Variants in G2E3 observed in about 807,000 individuals in gnomAD.
G2E3 encodes G2/M phase-specific E3 ubiquitin-protein ligase.
A neutral mutation model predicts 92.8 loss-of-function variants in G2E3; 35 were observed. That is an observed-to-expected ratio of 0.38 (90% CI 0.29 to 0.50). The LOEUF is 0.50. Ranked by LOEUF, G2E3 falls within the 20% of genes least tolerant of loss-of-function variation. G2E3 has a pLI of 0.94. For missense variants in G2E3, 554 were observed against 823.8 expected (o/e 0.67, Z 4.01); for synonymous variants, 242 against 272.4 (o/e 0.89, Z 1.10).
rs752161879 is a variant in G2E3, at chr14:30,605,532, A to C, written c.1038A>C (p.Val346=). 11 of 1,412,164 alleles carry C rather than the reference A, an allele frequency of 7.8e-6. No homozygotes were observed. In the South Asian group the frequency reaches 1.4e-4, roughly 18 times the overall value. 87.5% of individuals were successfully genotyped at this position (1,412,164 alleles called of 1,614,324 possible). Residue 346 remains valine, a synonymous_variant, in exon 11 of 15, where the codon GTA becomes GTC. Transcript: ENST00000206595. ...AAGGCAGCAAATTTAGAAGAAATGT[A>C]TCAACACTATTAATAGAGTTAGGAT... is the stretch of plus-strand genomic sequence containing the variant. The part of the protein sequence containing the change: ...LRQGSKFRRN[V]STLLIELGFQ...
chr14:30,573,004 G>T (rs1879856766), intron 1 of G2E3, among the ~76,000 whole-genome samples: 1 of 142,004 alleles, frequency 7.0e-6, no homozygotes, highest in Non-Finnish European at 1.5e-5. Context: ...GATGTTTTAT[G>T]TACTTTTTTT....
chr14:30,571,336 T>C (rs534817959), intron 1 of G2E3, among the ~76,000 whole-genome samples: 2 of 152,180 alleles, frequency 1.3e-5, no homozygotes, highest in African/African-American at 4.8e-5. Context: ...TTGTAAGCAT[T>C]CTTTATGCAT....
chr14:30,562,202 A>C (rs8022976), intron 1 of G2E3, among the ~76,000 whole-genome samples: 8,760 of 152,184 alleles, frequency 0.058, 823 homozygotes, highest in African/African-American at 0.2. Flanking sequence ...TGCCGAGGCA[A>C]GAGACTGGGG....
intron 7 of G2E3, 89 bp downstream of exon 7, chr14:30,597,615 G>T (rs939130757): frequency 1.3e-6 from 1 of 781,428 alleles, no homozygotes; most frequent in Non-Finnish European, 2.2e-6. Flanking sequence ...GTCTGATTCA[G>T]TGAGCATGGA....
intron 1 of G2E3, among the ~76,000 whole-genome samples, chr14:30,575,079 C>G (rs1017876233): frequency 6.6e-6 from 1 of 152,110 alleles, no homozygotes; most frequent in Non-Finnish European, 1.5e-5. Flanking sequence ...CAACCTTACC[C>G]GCATCTGTTA....
In G2E3 at chr14:30,603,049, C is replaced by T. The variant is rs372690501; in HGVS notation, c.1010+918C>T. On this transcript the variant is annotated intron_variant, in intron 10 of 14. Transcript: ENST00000206595. Reference sequence around the variant, plus strand: ...TCTGTTCCCATGAGACAAAATAGGCCGGGCATCGTGGCTCACGCCTGTAAT... The same window carrying T: ...TCTGTTCCCATGAGACAAAATAGGCTGGGCATCGTGGCTCACGCCTGTAAT... Among the ~76,000 whole-genome samples, 17 of 152,196 alleles carry T rather than the reference C, an allele frequency of 1.1e-4. 1 individual carries two copies. The highest frequency in any genetic ancestry group is 3.6e-4 in the African/African-American group (15 of 41,532).
intron 4 of G2E3, among the ~76,000 whole-genome samples, chr14:30,589,793 T>C (rs1880904079): frequency 6.6e-6 from 1 of 152,040 alleles, no homozygotes; most frequent in Admixed American, 6.6e-5. Context: ...ATCAGAATTA[T>C]GATCATAACT....
At position 30,617,556 on chromosome 14, in the gene G2E3, G is replaced by A. The variant is rs1202209189; in HGVS notation, c.*1022G>A. 2.6e-5 allele frequency: 4 copies of A among 151,868 alleles called. No individual in the cohort carries two copies. The highest frequency in any genetic ancestry group is 6.6e-5 in the Admixed American group (1 of 15,238). The allele number at this position is 151,868 out of a possible 1,614,324, so 9.4% of individuals were successfully genotyped here. ...TGGTTGTATGCTAAGGTAAGTTGAC[G>A]CCATAGCATTATACAGTTATCTTCA... is the stretch of plus-strand genomic sequence containing the variant. On this transcript the variant is annotated 3_prime_UTR_variant, in exon 15 of 15. Transcript: ENST00000206595.
chr14:30,597,624 G>A, intron 7 of G2E3, 98 bp downstream of exon 7: 2 of 728,932 alleles, frequency 2.7e-6, no homozygotes, highest in Non-Finnish European at 4.8e-6. Context: ...AGTGAGCATG[G>A]ACAGGTAGCC....
chr14:30,616,006 T>A lies in G2E3; in HGVS notation c.1865-272T>A, dbSNP rs45567332. On this transcript the variant is annotated intron_variant, in intron 14 of 14. Transcript: ENST00000206595. The stretch of plus-strand genomic sequence containing the variant: ...AAATTTTGTTTAGCTAGATTTTTGG[T>A]TTTTTACCGTTTAGTCTTTCTGTCT... Among the ~76,000 whole-genome samples the A allele has an allele frequency of 3.6e-3, 551 of 152,256 alleles. 1 individual carries two copies. Among genetic ancestry groups the A allele is most frequent in the Non-Finnish European group, 4.4e-3 (298 of 67,970 alleles).
rs560863386 is a variant in G2E3 at position 30,594,998 on chromosome 14, C to T, written c.528+1359C>T. ...ACAAAAAAAAAAAAAATTAGCTGGGCGTGGTGGTGCACACCTGTGATCCCA... is the reference window on the plus strand; with the variant it reads ...ACAAAAAAAAAAAAAATTAGCTGGGTGTGGTGGTGCACACCTGTGATCCCA... On this transcript the variant is annotated intron_variant, in intron 6 of 14. Coordinates refer to ENST00000206595, the MANE Select transcript of G2E3 (RefSeq NM_017769.5). Among the ~76,000 whole-genome samples, 41 of 151,482 alleles carry T rather than the reference C, an allele frequency of 2.7e-4. 1 individual carries two copies. Among genetic ancestry groups the T allele is most frequent in the African/African-American group, 9.0e-4 (37 of 41,334 alleles).
chr14:30,605,187 C>T (rs1363957409), intron 10 of G2E3, among the ~76,000 whole-genome samples: 1 of 152,180 alleles, frequency 6.6e-6, no homozygotes, highest in Non-Finnish European at 1.5e-5. Flanking sequence ...TGAGCCACCG[C>T]GCCTGGCCTG....
At chr14:30,587,619 A>G (rs1174758716) in intron 3 of G2E3, among the ~76,000 whole-genome samples, 1 of 152,192 alleles carries the variant, frequency 6.6e-6, no homozygotes, top group African/African-American at 2.4e-5. Context: ...TGAAGACTTT[A>G]CTAGGTTGCA....
intron 2 of G2E3, among the ~76,000 whole-genome samples, chr14:30,584,588 T>A (rs1428237315): frequency 6.6e-6 from 1 of 152,204 alleles, no homozygotes; most frequent in African/African-American, 2.4e-5. Flanking sequence ...TGTGAAGTGG[T>A]ATCTCACTGT....
intron 1 of G2E3, among the ~76,000 whole-genome samples, chr14:30,571,383 C>T (rs983156709): frequency 6.6e-6 from 1 of 151,622 alleles, no homozygotes; most frequent in African/African-American, 2.4e-5. Flanking sequence ...TATGTTTTGC[C>T]AGTGTTTATT....
At chr14:30,613,147 C>A (rs940473401) in intron 13 of G2E3, among the ~76,000 whole-genome samples, 3 of 152,198 alleles carry the variant, frequency 2.0e-5, no homozygotes, top group South Asian at 2.1e-4. Context: ...TACACTCTTA[C>A]AATTTTTTTA....
chr14:30,590,695 C>G (rs1207463974), intron 4 of G2E3: 1 of 455,802 alleles, frequency 2.2e-6, no homozygotes, highest in Non-Finnish European at 4.4e-6. Context: ...AACAGAGGTT[C>G]TAGGGCACAA....
intron 2 of G2E3, among the ~76,000 whole-genome samples, chr14:30,582,911 C>A (rs1880512503): frequency 6.6e-6 from 1 of 152,148 alleles, no homozygotes; most frequent in Non-Finnish European, 1.5e-5. Context: ...TGGTGAGCAG[C>A]CTATTAACAA....
Position 30,590,834 on chromosome 14 carries a change from G to A in G2E3, c.237+1350G>A, listed in dbSNP as rs142512495. On this transcript the variant is annotated intron_variant, in intron 4 of 14. Transcript: ENST00000206595. ...CTTGTGGTAAAAGGTGGTCTCTAAA[G>A]GTCCCCTTATGGTTTGGAACTACAG... The A allele has an allele frequency of 5.7e-4, 252 of 440,844 alleles. 3 individuals carry two copies. The highest frequency in any genetic ancestry group is 4.0e-3 in the Middle Eastern group (12 of 2,984). The allele number at this position is 440,844 out of a possible 1,614,324, so 27.3% of individuals were successfully genotyped here.
Sources: gnomAD v4.1 joint callset for allele counts (sites outside exome capture counted in the v4.1 genomes callset) on GRCh38, gnomAD v4.1.1 for gene constraint, MANE v1.5 for transcripts, NCBI Gene and HGNC (gene_info 2026-07-23, HGNC 2026-07-21) for gene names.